The following RGS12 variants were observed in gnomAD, a reference collection of about 807,000 sequenced individuals.
RGS12 encodes the protein regulator of G-protein signaling 12.
In RGS12, 66 loss-of-function variants were observed where a neutral mutation model predicts 120.1. That is an observed-to-expected ratio of 0.55 (90% CI 0.45 to 0.67). The LOEUF (loss-of-function observed/expected upper bound fraction) is 0.67, where lower values mean the gene tolerates loss of function less well. RGS12 is among the 30% of genes least tolerant of loss of function. RGS12 has a pLI of 0.00. For missense variants in RGS12, 1,859 were observed against 1,957.7 expected, an observed-to-expected ratio of 0.95 and a Z score of 0.95; for synonymous variants, 827 against 804.7, an observed-to-expected ratio of 1.03 and a Z score of -0.47.
At chr4:3,407,865 T>C (rs1032253811) in intron 4 of RGS12, among the ~76,000 whole-genome samples, 2 of 152,250 alleles carry the variant, frequency 1.3e-5, no homozygotes, top group Non-Finnish European at 2.9e-5. Flanking sequence ...ACCTACATGT[T>C]TGACCCACCA....
chr4:3,422,996 G>A lies in RGS12; in HGVS notation c.3107+18G>A, dbSNP rs1262269155. On this transcript the variant is annotated intron_variant, in intron 12 of 17. Transcript: ENST00000336727. ...TTGTTTCGGTAAGAGGAAGATCGCT[G>A]TCATTCACCTGAGGCTCCCAGAGCC... 1.2e-5 allele frequency: 20 copies of A among 1,608,278 alleles called. No homozygotes were observed. Among genetic ancestry groups the A allele is most frequent in the Non-Finnish European group, 1.6e-5 (19 of 1,175,768 alleles).
intron 1 of RGS12, among the ~76,000 whole-genome samples, chr4:3,304,654 A>G (rs914808231): frequency 6.6e-6 from 1 of 152,148 alleles, no homozygotes; most frequent in African/African-American, 2.4e-5. Context: ...GCTTTTCCCC[A>G]TTCTGTAGAG....
At chr4:3,307,260 T>C (rs954854169) in intron 1 of RGS12, among the ~76,000 whole-genome samples, 1 of 152,210 alleles carries the variant, frequency 6.6e-6, no homozygotes, top group African/African-American at 2.4e-5. Context: ...ACCTTGCTCT[T>C]AGGCAGACTG....
chr4:3,309,449 CAGGAA>C (rs1724192215), intron 1 of RGS12, among the ~76,000 whole-genome samples: 1 of 106,068 alleles, frequency 9.4e-6, no homozygotes, highest in Non-Finnish European at 1.9e-5. Flanking sequence ...AGCTGGGACC[CAGGAA>C]TGGCAGGTGT....
chr4:3,332,773 T>C (rs919442860), intron 2 of RGS12, among the ~76,000 whole-genome samples: 1 of 152,250 alleles, frequency 6.6e-6, no homozygotes, highest in African/African-American at 2.4e-5. Context: ...CTGTTTTCAC[T>C]CTTCTAGCCA....
rs141050510 is a variant in RGS12 at position 3,423,542 on chromosome 4, A to G, written c.3135A>G (p.Ser1045=). Residue 1045 remains serine, a synonymous_variant, in exon 13 of 18, where the codon TCA becomes TCG. Transcript: ENST00000336727. The part of the protein sequence containing the change: ...FRLDLVPINR[S]VGLKAKPTKP... ...TGGATCTTGTTCCGATTAACCGGTCAGTGGGACTCAAGGCCAAGCCCACCA... is the reference window on the plus strand; with the variant it reads ...TGGATCTTGTTCCGATTAACCGGTCGGTGGGACTCAAGGCCAAGCCCACCA... The G allele has an allele frequency of 4.4e-4, 702 of 1,613,084 alleles. No individual in the cohort carries two copies. The highest frequency in any genetic ancestry group is 5.6e-4 in the Non-Finnish European group (666 of 1,179,916).
At chr4:3,303,606 C>A (rs1578679540) in intron 1 of RGS12, among the ~76,000 whole-genome samples, 1 of 152,202 alleles carries the variant, frequency 6.6e-6, no homozygotes. Flanking sequence ...GTGGGGGGAA[C>A]AAGAGGAAGG....
intron 9 of RGS12, chr4:3,417,983 T>C (rs1428374891): frequency 6.2e-6 from 1 of 162,300 alleles, no homozygotes; most frequent in East Asian, 1.8e-4. Context: ...GGCTTTTTCC[T>C]AGGTAGATGT....
intron 3 of RGS12, among the ~76,000 whole-genome samples, chr4:3,375,357 C>T (rs1348451566): frequency 9.1e-6 from 1 of 109,316 alleles, no homozygotes; most frequent in African/African-American, 3.6e-5. Context: ...CCAGCCTCAT[C>T]TCCAGCCCTC....
At chr4:3,331,007 G>GT (rs2108734616) in intron 2 of RGS12, among the ~76,000 whole-genome samples, 1 of 152,302 alleles carries the variant, frequency 6.6e-6, no homozygotes, top group East Asian at 1.9e-4. Flanking sequence ...CTGGACAGCC[G>GT]TGTGTCTAGC....
chr4:3,430,755 C>A lies in RGS12; in HGVS notation c.3914C>A (p.Pro1305His), dbSNP rs778998135. The A allele has an allele frequency of 6.2e-7, 1 of 1,608,920 alleles. No homozygotes were observed. The highest frequency in any genetic ancestry group is 8.5e-7 in the Non-Finnish European group (1 of 1,177,742). Residue 1305 changes from proline to histidine, a missense_variant, in exon 17 of 18, where the codon CCC (proline) becomes CAC (histidine). Around this residue, in one of 3 missense-constraint regions of RGS12, gnomAD observed 517 missense variants for 488.5 expected, o/e 1.06. Coordinates refer to ENST00000336727, the MANE Select transcript of RGS12 (RefSeq NM_001394154.1). ...PSGPFCTPQS[P>H]VSLAQEGTAQ... ...GGGCCCTTCTGCACTCCCCAGTCCC[C>A]CGTCTCCCTCGCGCAGGAGGGCACC...
At chr4:3,373,966 C>T (rs1478251695) in intron 3 of RGS12, among the ~76,000 whole-genome samples, 1 of 152,192 alleles carries the variant, frequency 6.6e-6, no homozygotes, top group Non-Finnish European at 1.5e-5. Context: ...GTAAGCTGTC[C>T]GTCCATGTTA....
At chr4:3,345,950 G>T (rs1359854025) in intron 3 of RGS12, among the ~76,000 whole-genome samples, 2 of 152,004 alleles carry the variant, frequency 1.3e-5, no homozygotes, top group African/African-American at 4.8e-5. Flanking sequence ...GGAGAATGGG[G>T]TTTCTCATGT....
intron 3 of RGS12, chr4:3,370,283 G>A (rs780739371): frequency 1.2e-6 from 2 of 1,614,154 alleles, no homozygotes. Flanking sequence ...TTTGGGGAAA[G>A]AGTTGTCAAA....
chr4:3,305,118 T>C (rs565425388), intron 1 of RGS12, among the ~76,000 whole-genome samples: 11 of 152,368 alleles, frequency 7.2e-5, no homozygotes, highest in Non-Finnish European at 1.2e-4. Context: ...GGCGGCTTCC[T>C]TGGGCAGCTC....
At position 3,317,974 on chromosome 4, in the gene RGS12, T is replaced by TGAC. The variant is rs746439084; in HGVS notation, c.1805_1806insACG (p.Trp602delinsTer). 1 of 1,613,994 alleles carries TGAC rather than the reference T, an allele frequency of 6.2e-7. No homozygotes were observed. The highest frequency in any genetic ancestry group is 1.1e-5 in the South Asian group (1 of 91,036). On this transcript the variant is annotated stop_gained, in exon 2 of 18. Transcript: ENST00000336727. LOFTEE classifies it high-confidence loss of function. ...CCCGCTGAATGCCCCGAAGAGGGAGTGGTCCAGGAAGGCCTTTGGAATGCA... is the reference window on the plus strand; with the variant it reads ...CCCGCTGAATGCCCCGAAGAGGGAGTGACGGTCCAGGAAGGCCTTTGGAATGCA...
At chr4:3,333,111 C>G (rs943660847) in intron 2 of RGS12, among the ~76,000 whole-genome samples, 4 of 148,932 alleles carry the variant, frequency 2.7e-5, no homozygotes, top group Non-Finnish European at 4.4e-5. Context: ...TGCAGTGGCG[C>G]GATCTCGGCT....
chr4:3,389,825 C>T lies in RGS12; in HGVS notation c.2020+3388C>T, dbSNP rs1044933798. On this transcript the variant is annotated intron_variant, in intron 4 of 17. Transcript: ENST00000336727. This position sits in a 1 kb window ranked among gnomAD's most constrained non-coding sequence, Gnocchi z 5.2. ...ACATGACACCCCACATACATGACCC[C>T]GGTGCTCCAGCTGCTTCTCAAACAC... Among the ~76,000 whole-genome samples, 6 of 152,190 alleles carry T rather than the reference C, an allele frequency of 3.9e-5. No individual in the cohort carries two copies. The highest frequency in any genetic ancestry group is 7.4e-5 in the Non-Finnish European group (5 of 68,022).
chr4:3,415,010 C>A (rs995849747), intron 6 of RGS12, among the ~76,000 whole-genome samples, 166 bp downstream of exon 6: 1 of 43,286 alleles, frequency 2.3e-5, no homozygotes. Flanking sequence ...GTGTGAGGGG[C>A]GTGTGTGAGA....
Sources: allele counts gnomAD v4.1 joint callset (sites outside exome capture counted in the v4.1 genomes callset), GRCh38; gene constraint gnomAD v4.1.1; regional missense constraint gnomAD v4.1.1; non-coding constraint Gnocchi (gnomAD v3.1); transcripts MANE v1.5; gene names NCBI Gene and HGNC (gene_info 2026-07-23, HGNC 2026-07-21).